ADAMTS17: variants seen among roughly 807,000 people sequenced by gnomAD.
ADAMTS17 encodes the protein ADAM metallopeptidase with thrombospondin type 1 motif 17, also known as A disintegrin and metalloproteinase with thrombospondin motifs 17.
A neutral mutation model predicts 141.5 loss-of-function variants in ADAMTS17; 113 were observed. The observed-to-expected ratio is 0.80, with a 90% CI of 0.69 to 0.93. ADAMTS17 has a LOEUF of 0.93. ADAMTS17 is among the 40% of genes least tolerant of loss of function. ADAMTS17 has a pLI of 0.00. For synonymous variants in ADAMTS17, 768 were observed against 630.6 expected (o/e 1.22, Z -3.27); for missense variants, 1,659 against 1,517.9 (o/e 1.09, Z -1.54).
intron 8 of ADAMTS17, among the ~76,000 whole-genome samples, chr15:100,190,778 G>T (rs1408539362): frequency 6.6e-6 from 1 of 152,228 alleles, no homozygotes; most frequent in African/African-American, 2.4e-5. Flanking sequence ...GAGCACGAAG[G>T]AAACCCTAGC....
intron 7 of ADAMTS17, among the ~76,000 whole-genome samples, chr15:100,237,081 C>T (rs1025574389): frequency 1.2e-4 from 19 of 152,226 alleles, no homozygotes; most frequent in African/African-American, 4.6e-4. Context: ...CAACCCTGCC[C>T]CTGCAACATC....
intron 12 of ADAMTS17, among the ~76,000 whole-genome samples, chr15:100,119,845 C>A (rs2037363473): frequency 6.6e-6 from 1 of 152,222 alleles, no homozygotes; most frequent in African/African-American, 2.4e-5. Context: ...CCTCCTAACC[C>A]TCTGTCCATC....
chr15:100,016,410 T>C (rs1406548486), intron 18 of ADAMTS17, among the ~76,000 whole-genome samples: 1 of 152,062 alleles, frequency 6.6e-6, no homozygotes, highest in Non-Finnish European at 1.5e-5. Context: ...GGTGAACAAG[T>C]GTGAGTTTTT....
intron 7 of ADAMTS17, among the ~76,000 whole-genome samples, chr15:100,249,488 C>A (rs1260000995): frequency 6.6e-6 from 1 of 152,208 alleles, no homozygotes; most frequent in African/African-American, 2.4e-5. Flanking sequence ...TGGGGAGGGG[C>A]AGACCACAGG....
intron 6 of ADAMTS17, chr15:100,256,555 T>TGCTGAG (rs1040987897): frequency 6.6e-5 from 10 of 152,220 alleles, no homozygotes; most frequent in African/African-American, 2.4e-4. Flanking sequence ...CATGGATACT[T>TGCTGAG]GCTGAGGCTT....
At position 99,993,360 on chromosome 15, in the gene ADAMTS17, C is replaced by A. The variant is rs571525980; in HGVS notation, c.2797-160G>T. On this transcript the variant is annotated intron_variant, in intron 19 of 21. Transcript: ENST00000268070. This position sits in a 1 kb window ranked among gnomAD's most constrained non-coding sequence, Gnocchi z 4.3. The stretch of plus-strand genomic sequence containing the variant: ...AAAGCTCCTGGTCTGCAGGGTCTTA[C>A]GCACGTGGTCCCAGCTGGGGCCCCA... 1.3e-5 allele frequency among the ~76,000 whole-genome samples: 2 copies of A among 152,192 alleles called. No individual in the cohort carries two copies.
chr15:99,974,545 A>G lies in ADAMTS17; in HGVS notation c.3145T>C (p.Cys1049Arg). The G allele has an allele frequency of 6.2e-7, 1 of 1,614,222 alleles. No homozygotes were observed. Among genetic ancestry groups the G allele is most frequent in the Non-Finnish European group, 8.5e-7 (1 of 1,180,034 alleles). Residue 1049 changes from cysteine to arginine, a missense_variant, in exon 22 of 22, where the codon TGC becomes CGC. Transcript: ENST00000268070. The stretch of plus-strand genomic sequence containing the variant: ...TATACCGTCCACTGGTCTCGTGTGC[A>G]TTTGTAGGTCAGAGCAGCTAAGGGG... ...SPRLAALTYKCTRDQWTVYCR... is the reference protein window; with the variant it reads ...SPRLAALTYKRTRDQWTVYCR...
At chr15:100,092,545 G>C (rs575528916) in intron 15 of ADAMTS17, among the ~76,000 whole-genome samples, 2 of 152,130 alleles carry the variant, frequency 1.3e-5, no homozygotes, top group African/African-American at 4.8e-5. Context: ...CACATTTTAC[G>C]ATTCTTCATC....
rs768799371 is a variant in ADAMTS17 at position 99,973,237 on chromosome 15, T to C, written c.*1165A>G. On this transcript the variant is annotated 3_prime_UTR_variant, in exon 22 of 22. Coordinates refer to ENST00000268070, the MANE Select transcript of ADAMTS17 (RefSeq NM_139057.4). Reference sequence around the variant, plus strand: ...TCAATGATGACAGGCGTGATGATAATGGGTACCACAAAGTCTGGGGCTACA... The same window carrying C: ...TCAATGATGACAGGCGTGATGATAACGGGTACCACAAAGTCTGGGGCTACA... 6.6e-6 allele frequency: 1 copy of C among 152,054 alleles called. No homozygotes were observed. Among genetic ancestry groups the C allele is most frequent in the African/African-American group, 2.4e-5 (1 of 41,386 alleles). 9.4% of individuals were successfully genotyped at this position (152,054 alleles called of 1,614,324 possible). A position where few individuals can be genotyped will look rare whatever the true frequency, so the allele number is the denominator to read the frequency against.
chr15:100,334,976 A>G lies in ADAMTS17; in HGVS notation c.451-3922T>C, dbSNP rs539248948. Among the ~76,000 whole-genome samples the G allele has an allele frequency of 7.9e-5, 12 of 152,102 alleles. No homozygotes were observed. The South Asian group carries it at 2.5e-3, about 32-fold the overall frequency. ...CCTGCTCTAAGTGCTCCCCTCGTTC[A>G]GTCCTCCCCATACGGCTAGCCCCAG... On this transcript the variant is annotated intron_variant, in intron 2 of 21. Coordinates refer to ENST00000268070, the MANE Select transcript of ADAMTS17 (RefSeq NM_139057.4).
chr15:100,079,382 T>G (rs2034585894), intron 15 of ADAMTS17, among the ~76,000 whole-genome samples: 1 of 152,212 alleles, frequency 6.6e-6, no homozygotes, highest in Admixed American at 6.5e-5. Context: ...AAAGAAACAT[T>G]GATGTATGTG....
At chr15:100,002,007 A>AGGCCAAAACC (rs2060936810) in intron 18 of ADAMTS17, among the ~76,000 whole-genome samples, 2 of 149,832 alleles carry the variant, frequency 1.3e-5, no homozygotes, top group African/African-American at 2.4e-5. Flanking sequence ...AAAAAAAAAA[A>AGGCCAAAACC]AAAAAAAAAG....
chr15:100,287,042 G>A (rs2044469759), intron 3 of ADAMTS17, among the ~76,000 whole-genome samples: 1 of 152,134 alleles, frequency 6.6e-6, no homozygotes, highest in Non-Finnish European at 1.5e-5. Flanking sequence ...ACAAAAATTA[G>A]CTGGGTGTGG....
At chr15:100,234,618 T>C (rs2042596222) in intron 7 of ADAMTS17, among the ~76,000 whole-genome samples, 1 of 152,228 alleles carries the variant, frequency 6.6e-6, no homozygotes, top group African/African-American at 2.4e-5. Flanking sequence ...CTTCCTCTTC[T>C]AGGATGAAAA....
At chr15:100,098,475 C>T (rs762493308) in intron 14 of ADAMTS17, among the ~76,000 whole-genome samples, 24 of 152,012 alleles carry the variant, frequency 1.6e-4, no homozygotes, top group Non-Finnish European at 3.1e-4. Context: ...GGTGAAACCC[C>T]GTCTCTACTA....
intron 14 of ADAMTS17, among the ~76,000 whole-genome samples, chr15:100,101,276 C>CCTTTT (rs56736910): frequency 0.02 from 2,914 of 149,234 alleles, 30 homozygotes; most frequent in Middle Eastern, 0.052. Flanking sequence ...GCACCATTTT[C>CCTTTT]TTCTTCACAC....
chr15:100,094,247 G>A (rs1291518152), intron 15 of ADAMTS17, among the ~76,000 whole-genome samples: 1 of 152,264 alleles, frequency 6.6e-6, no homozygotes, highest in Non-Finnish European at 1.5e-5. Flanking sequence ...ACACTAGGCT[G>A]CAAGCCAGGG....
At position 100,281,349 on chromosome 15, in the gene ADAMTS17, C is replaced by T; in HGVS notation, c.669G>A (p.Arg223=). The change falls in exon 4 of 22, where the codon AGG becomes AGA. Residue 223 remains arginine (R), a synonymous_variant. Transcript: ENST00000268070. ...GCTCGCTGGTGAGCCGGATAGCGTT[C>T]CTCCGCTCCCGCCAGTCCCGCGAAG... ...GRPSRDWRER[R]NAIRLTSEHT... The T allele has an allele frequency of 6.2e-7, 1 of 1,610,664 alleles. No homozygotes were observed.
At chr15:100,020,271 G>C (rs2573682) in intron 18 of ADAMTS17, among the ~76,000 whole-genome samples, 118,204 of 152,136 alleles carry the variant, frequency 0.78, 46,747 homozygotes, top group African/African-American at 0.91. Flanking sequence ...TTCAGAATTT[G>C]ACAAGGATCT....
Sources: gnomAD v4.1 joint callset for allele counts (sites outside exome capture counted in the v4.1 genomes callset) on GRCh38, gnomAD v4.1.1 for gene constraint, Gnocchi (gnomAD v3.1) non-coding constraint, MANE v1.5 for transcripts, NCBI Gene and HGNC (gene_info 2026-07-23, HGNC 2026-07-21) for gene names.